Variants in JAZF1 observed in about 807,000 individuals in gnomAD.
The protein encoded by JAZF1 is JAZF zinc finger 1.
JAZF1 carries 8 observed loss-of-function variants against 26.4 expected under a neutral mutation model. The observed-to-expected ratio is 0.30, with a 90% CI of 0.18 to 0.55. The LOEUF (loss-of-function observed/expected upper bound fraction) is 0.55. Ranked by LOEUF, JAZF1 falls within the 20% of genes least tolerant of loss-of-function variation. JAZF1 has a pLI of 0.94. For synonymous variants in JAZF1, 126 were observed against 122.3 expected, an observed-to-expected ratio of 1.03 and a Z score of -0.20; for missense variants, 199 against 322.0, an observed-to-expected ratio of 0.62 and a Z score of 2.92.
At chr7:28,017,350 GAA>G (rs1180100308) in intron 1 of JAZF1, among the ~76,000 whole-genome samples, 109 of 81,836 alleles carry the variant, frequency 1.3e-3, no homozygotes, top group African/African-American at 4.2e-3. Context: ...CTCTGTTTCA[GAA>G]AAAAAAAAAA....
chr7:27,927,776 C>T (rs2128349297), intron 2 of JAZF1, among the ~76,000 whole-genome samples: 1 of 152,172 alleles, frequency 6.6e-6, no homozygotes, highest in Admixed American at 6.5e-5. Flanking sequence ...TATGGTAATG[C>T]TGTTTGGGTA....
chr7:28,060,835 AAAGTCCAGAG>A (rs1255787738), intron 1 of JAZF1, among the ~76,000 whole-genome samples: 3 of 152,180 alleles, frequency 2.0e-5, no homozygotes, highest in Non-Finnish European at 4.4e-5. Flanking sequence ...GTTCAGGGTG[AAAGTCCAGAG>A]CCTCCAGAGC....
intron 4 of JAZF1, among the ~76,000 whole-genome samples, chr7:27,837,019 T>A (rs890481487): frequency 2.0e-5 from 3 of 152,182 alleles, no homozygotes; most frequent in Non-Finnish European, 4.4e-5. Context: ...CACTCCCTCA[T>A]CATTAAATGT....
intron 1 of JAZF1, among the ~76,000 whole-genome samples, chr7:27,994,617 T>C (rs1458532722): frequency 6.6e-5 from 10 of 152,192 alleles, no homozygotes; most frequent in African/African-American, 1.9e-4. Context: ...AATGTTTCCT[T>C]GGGCAACCTT....
intron 1 of JAZF1, among the ~76,000 whole-genome samples, chr7:28,155,399 G>A (rs1040536341): frequency 6.6e-6 from 1 of 152,132 alleles, no homozygotes; most frequent in South Asian, 2.1e-4. Flanking sequence ...ACAGGGCTCT[G>A]GAATAATACA....
At chr7:28,080,986 T>C (rs1488972813) in intron 1 of JAZF1, among the ~76,000 whole-genome samples, 1 of 150,500 alleles carries the variant, frequency 6.6e-6, no homozygotes, top group Non-Finnish European at 1.5e-5. Flanking sequence ...AAGCAAGGTG[T>C]GCCTGTAGGG....
chr7:28,168,256 C>T (rs1210126690), intron 1 of JAZF1, among the ~76,000 whole-genome samples: 10 of 151,968 alleles, frequency 6.6e-5, no homozygotes, highest in African/African-American at 2.4e-4. Flanking sequence ...GCAGCAGGCG[C>T]CTGTAGTCCC....
At chr7:28,087,535 C>T (rs561136478) in intron 1 of JAZF1, among the ~76,000 whole-genome samples, 19 of 152,060 alleles carry the variant, frequency 1.2e-4, no homozygotes, top group African/African-American at 4.3e-4. Flanking sequence ...CAGAAAATAA[C>T]GTCATTCAGA....
At chr7:28,083,795 T>C (rs1181522986) in intron 1 of JAZF1, among the ~76,000 whole-genome samples, 3 of 151,838 alleles carry the variant, frequency 2.0e-5, no homozygotes, top group South Asian at 2.1e-4. Context: ...GGCCCTGACA[T>C]TGGGTAAGAA....
intron 1 of JAZF1, among the ~76,000 whole-genome samples, chr7:28,093,759 CAA>C (rs767498841): frequency 2.4e-4 from 37 of 152,310 alleles, no homozygotes; most frequent in South Asian, 1.5e-3. Context: ...TGGGCAAACC[CAA>C]AAGACAGGTG....
intron 1 of JAZF1, among the ~76,000 whole-genome samples, chr7:28,007,593 AC>A (rs1782726649): frequency 6.6e-6 from 1 of 151,704 alleles, no homozygotes; most frequent in Admixed American, 6.6e-5. Flanking sequence ...TTATTTCTGG[AC>A]ACTAAGGTTG....
intron 1 of JAZF1, among the ~76,000 whole-genome samples, chr7:28,101,576 TAAAA>T (rs56321937): frequency 3.1e-5 from 3 of 97,998 alleles, no homozygotes; most frequent in Non-Finnish European, 5.7e-5. Flanking sequence ...ATTTCTATAT[TAAAA>T]AAAAAAAAAA....
At chr7:28,096,283 A>G (rs996292294) in intron 1 of JAZF1, among the ~76,000 whole-genome samples, 1 of 152,238 alleles carries the variant, frequency 6.6e-6, no homozygotes, top group Non-Finnish European at 1.5e-5. Context: ...GGAAAAAACT[A>G]TGAGTAAAAG....
At chr7:27,887,824 C>G (rs965451529) in intron 3 of JAZF1, among the ~76,000 whole-genome samples, 5 of 152,122 alleles carry the variant, frequency 3.3e-5, no homozygotes, top group African/African-American at 1.2e-4. Flanking sequence ...TGTTGCCATC[C>G]TCACTCCAAC....
intron 1 of JAZF1, among the ~76,000 whole-genome samples, chr7:28,060,415 G>A (rs893351395): frequency 6.6e-6 from 1 of 152,166 alleles, no homozygotes; most frequent in Non-Finnish European, 1.5e-5. Context: ...ATTCTGTAAC[G>A]ATTCTTTATG....
At chr7:28,148,616 G>A (rs1354504870) in intron 1 of JAZF1, among the ~76,000 whole-genome samples, 1 of 152,178 alleles carries the variant, frequency 6.6e-6, no homozygotes, top group East Asian at 1.9e-4. Context: ...ATCAGAGTGA[G>A]GCCTAAGAAA....
At chr7:27,937,910 C>G (rs559871531) in intron 2 of JAZF1, among the ~76,000 whole-genome samples, 1 of 152,308 alleles carries the variant, frequency 6.6e-6, no homozygotes, top group African/African-American at 2.4e-5. Flanking sequence ...GGGAAATACT[C>G]CGGATTGCAT....
intron 1 of JAZF1, among the ~76,000 whole-genome samples, chr7:28,157,994 G>T (rs535775283): frequency 6.6e-6 from 1 of 152,096 alleles, no homozygotes; most frequent in African/African-American, 2.4e-5. Flanking sequence ...CTGCAGCAGG[G>T]ATTGCCCAAT....
intron 1 of JAZF1, among the ~76,000 whole-genome samples, chr7:28,116,063 TG>T (rs1784736492): frequency 6.6e-6 from 1 of 152,228 alleles, no homozygotes; most frequent in Non-Finnish European, 1.5e-5. Context: ...AGTGGATACT[TG>T]AATTGCTTCC....
Sources: allele counts gnomAD v4.1 joint callset (sites outside exome capture counted in the v4.1 genomes callset), GRCh38; gene constraint gnomAD v4.1.1; transcripts MANE v1.5; gene names NCBI Gene and HGNC (gene_info 2026-07-23, HGNC 2026-07-21).